The following MNAT1 variants were observed in gnomAD, a reference collection of about 807,000 sequenced individuals.
MNAT1 encodes the protein CDK-activating kinase assembly factor MAT1.
A neutral mutation model predicts 42.0 loss-of-function variants in MNAT1; 43 were observed. The ratio of observed to expected loss-of-function variants is 1.02; its 90% CI spans 0.80 to 1.32. MNAT1 has a LOEUF of 1.32. Among genes scored for constraint, MNAT1 ranks in the 40% most tolerant of loss-of-function variants. MNAT1 has a pLI of 0.00. For missense variants in MNAT1, 306 were observed against 350.4 expected (o/e 0.87, Z 1.01); for synonymous variants, 118 against 120.0 (o/e 0.98, Z 0.11).
At chr14:60,929,302 T>G (rs1264332752) in intron 7 of MNAT1, among the ~76,000 whole-genome samples, 2 of 151,412 alleles carry the variant, frequency 1.3e-5, no homozygotes, top group African/African-American at 4.8e-5. Flanking sequence ...AAATTCAGCT[T>G]ACCAATTTTT....
intron 7 of MNAT1, among the ~76,000 whole-genome samples, chr14:60,893,223 C>G (rs964606240): frequency 6.6e-6 from 1 of 151,808 alleles, no homozygotes; most frequent in African/African-American, 2.4e-5. Flanking sequence ...GCCCATTCTG[C>G]TGATAAGGCC....
chr14:60,945,144 A>G (rs775308141), intron 7 of MNAT1, among the ~76,000 whole-genome samples: 11 of 152,198 alleles, frequency 7.2e-5, no homozygotes, highest in Non-Finnish European at 1.6e-4. Flanking sequence ...TTAGTAGTAT[A>G]CTTTCTTGTT....
rs201099092 is a variant in MNAT1, at chr14:60,796,296, A to G, written c.169A>G (p.Asn57Asp). The G allele has an allele frequency of 1.5e-5, 24 of 1,613,820 alleles. No individual in the cohort carries two copies. In the African/African-American group the frequency reaches 2.9e-4, roughly 20 times the overall value. Residue 57 changes from asparagine to aspartate, a missense_variant, in exon 2 of 8, where the codon AAC becomes GAC. Around this residue, in one of 3 missense-constraint regions of MNAT1, gnomAD observed 72 missense variants for 111.0 expected, o/e 0.65. Coordinates refer to ENST00000261245, the MANE Select transcript of MNAT1 (RefSeq NM_002431.4). ...PECGTPLRKS[N>D]FRVQLFEDPT... ...GTGTGGTACTCCACTCAGAAAGAGC[A>G]ACTTCAGGGTACAACTCTTTGAAGA...
At chr14:60,809,090 T>C (rs1026978839) in intron 4 of MNAT1, 2 of 152,166 alleles carry the variant, frequency 1.3e-5, no homozygotes, top group African/African-American at 4.8e-5. Context: ...GAAAAAATTG[T>C]ATGCATGCAA....
chr14:60,825,829 G>T (rs775153089), intron 6 of MNAT1, among the ~76,000 whole-genome samples: 3 of 151,928 alleles, frequency 2.0e-5, no homozygotes, highest in Non-Finnish European at 4.4e-5. Context: ...TAATTTAAGG[G>T]GCAGGAGTCA....
At chr14:60,883,795 A>AT (rs1325922521) in intron 7 of MNAT1, among the ~76,000 whole-genome samples, 1 of 151,644 alleles carries the variant, frequency 6.6e-6, no homozygotes, top group Non-Finnish European at 1.5e-5. Context: ...TCTTTCACTT[A>AT]TTTGGTTAAT....
At chr14:60,848,930 G>T (rs1448175589) in intron 6 of MNAT1, among the ~76,000 whole-genome samples, 8 of 152,160 alleles carry the variant, frequency 5.3e-5, no homozygotes, top group Admixed American at 4.6e-4. Context: ...TTTAACTCTG[G>T]ACTATGTCAC....
chr14:60,875,519 A>G (rs1365060700), intron 6 of MNAT1, among the ~76,000 whole-genome samples: 1 of 152,148 alleles, frequency 6.6e-6, no homozygotes, highest in African/African-American at 2.4e-5. Flanking sequence ...TTCATAAAGT[A>G]TGATTAAGTA....
intron 1 of MNAT1, among the ~76,000 whole-genome samples, chr14:60,738,554 C>T (rs1013589383): frequency 1.1e-4 from 16 of 151,994 alleles, no homozygotes; most frequent in Non-Finnish European, 2.1e-4. Flanking sequence ...TGCGCCCGGC[C>T]TGAGATGGAG....
At chr14:60,957,900 C>T (rs1034234327) in intron 7 of MNAT1, among the ~76,000 whole-genome samples, 3 of 151,916 alleles carry the variant, frequency 2.0e-5, no homozygotes, top group Non-Finnish European at 2.9e-5. Flanking sequence ...TGCAGTGGCA[C>T]GATCTCAGCT....
chr14:60,789,675 G>T (rs1244884596), intron 1 of MNAT1, among the ~76,000 whole-genome samples: 6 of 152,100 alleles, frequency 3.9e-5, no homozygotes, highest in South Asian at 4.1e-4. Context: ...GGGGCTTTGA[G>T]CCTCTAATGT....
At chr14:60,875,063 G>C (rs957248158) in intron 6 of MNAT1, among the ~76,000 whole-genome samples, 3 of 151,900 alleles carry the variant, frequency 2.0e-5, no homozygotes, top group Non-Finnish European at 4.4e-5. Context: ...TTGTCTTATC[G>C]TACTTATGGC....
chr14:60,860,413 C>T (rs1278405098), intron 6 of MNAT1, among the ~76,000 whole-genome samples: 10 of 134,382 alleles, frequency 7.4e-5, no homozygotes, highest in African/African-American at 1.4e-4. Context: ...AGTGCAGTGG[C>T]GCGATCTCTG....
chr14:60,847,403 CAA>C (rs77882001), intron 6 of MNAT1, among the ~76,000 whole-genome samples: 14 of 54,608 alleles, frequency 2.6e-4, no homozygotes, highest in Non-Finnish European at 3.1e-4. Flanking sequence ...GACAACGTCT[CAA>C]AAAAAAAAAA....
chr14:60,792,191 T>A (rs181986673), intron 1 of MNAT1, among the ~76,000 whole-genome samples: 9 of 152,250 alleles, frequency 5.9e-5, no homozygotes, highest in African/African-American at 2.2e-4. Flanking sequence ...CATTATTGGA[T>A]GTTGATAATA....
intron 7 of MNAT1, among the ~76,000 whole-genome samples, chr14:60,911,763 G>A (rs2035369309): frequency 6.6e-6 from 1 of 152,116 alleles, no homozygotes; most frequent in Non-Finnish European, 1.5e-5. Flanking sequence ...TTTTGGAATA[G>A]GTGTGGTGTG....
chr14:60,757,217 G>A (rs1267596494), intron 1 of MNAT1, among the ~76,000 whole-genome samples: 1 of 152,116 alleles, frequency 6.6e-6, no homozygotes, highest in Non-Finnish European at 1.5e-5. Context: ...GGAGGGATTG[G>A]TGTTTGAGAT....
At chr14:60,967,609 C>T (rs540046358) in intron 7 of MNAT1, among the ~76,000 whole-genome samples, 2 of 152,190 alleles carry the variant, frequency 1.3e-5, no homozygotes, top group South Asian at 4.1e-4. Context: ...TTGTTGAGAT[C>T]AATGAGACTT....
intron 1 of MNAT1, among the ~76,000 whole-genome samples, chr14:60,764,112 A>T (rs901745805): frequency 7.9e-5 from 12 of 152,288 alleles, no homozygotes; most frequent in Non-Finnish European, 1.6e-4. Flanking sequence ...TCACTTTTTA[A>T]TGCGGTTAAG....
Sources: gnomAD v4.1 joint callset for allele counts (sites outside exome capture counted in the v4.1 genomes callset) on GRCh38, gnomAD v4.1.1 for gene constraint, gnomAD v4.1.1 regional missense constraint, MANE v1.5 for transcripts, NCBI Gene and HGNC (gene_info 2026-07-23, HGNC 2026-07-21) for gene names.